The following CDH9 variants were observed in gnomAD, a reference collection of about 807,000 sequenced individuals.
The protein encoded by CDH9 is cadherin 9.
In CDH9, 28 loss-of-function variants were observed where a neutral mutation model predicts 70.9. The ratio of observed to expected loss-of-function variants is 0.40; its 90% CI spans 0.29 to 0.54. The LOEUF (loss-of-function observed/expected upper bound fraction) is 0.54, where lower values mean the gene tolerates loss of function less well. Among genes scored for constraint, CDH9 ranks in the 20% least tolerant of loss-of-function variants. The pLI, the probability that CDH9 is intolerant of heterozygous loss-of-function variation, is 0.59. For missense variants in CDH9, 874 were observed against 984.4 expected (o/e 0.89, Z 1.50); for synonymous variants, 409 against 343.1 (o/e 1.19, Z -2.12).
chr5:26,913,400 T>C (rs970395447), intron 3 of CDH9, among the ~76,000 whole-genome samples: 1 of 152,156 alleles, frequency 6.6e-6, no homozygotes, highest in African/African-American at 2.4e-5. Flanking sequence ...AATTGTCCTC[T>C]ACAAATAGGA....
intron 1 of CDH9, among the ~76,000 whole-genome samples, chr5:27,027,548 C>T (rs1351138794): frequency 6.6e-6 from 1 of 152,008 alleles, no homozygotes; most frequent in African/African-American, 2.4e-5. Flanking sequence ...ACAGGAAGCT[C>T]CTGGAGCCCC....
At chr5:27,005,832 C>T (rs1188068005) in intron 1 of CDH9, among the ~76,000 whole-genome samples, 2 of 152,130 alleles carry the variant, frequency 1.3e-5, no homozygotes, top group Non-Finnish European at 2.9e-5. Flanking sequence ...GAATACTGTG[C>T]AGCCATAAGA....
chr5:27,021,838 C>A (rs994160537), intron 1 of CDH9, among the ~76,000 whole-genome samples: 1 of 151,918 alleles, frequency 6.6e-6, no homozygotes, highest in Non-Finnish European at 1.5e-5. Context: ...TAATTTCCTT[C>A]TTCATAACAT....
At chr5:26,955,861 C>A (rs1741937710) in intron 2 of CDH9, among the ~76,000 whole-genome samples, 1 of 152,112 alleles carries the variant, frequency 6.6e-6, no homozygotes, top group African/African-American at 2.4e-5. Context: ...TGATCAGAGG[C>A]AGACAGAATG....
chr5:26,905,827 A>G, intron 5 of CDH9, 132 bp downstream of exon 5: 1 of 649,628 alleles, frequency 1.5e-6, no homozygotes, highest in Admixed American at 2.6e-5. Flanking sequence ...TTTTTGGTAG[A>G]GGAATGGATT....
chr5:26,982,941 T>TC (rs757321002), intron 2 of CDH9, among the ~76,000 whole-genome samples: 4 of 152,078 alleles, frequency 2.6e-5, no homozygotes, highest in Non-Finnish European at 5.9e-5. Flanking sequence ...CGCCTCCGCC[T>TC]CCCAGAGTGT....
chr5:26,997,725 G>A (rs1163364806), intron 1 of CDH9, among the ~76,000 whole-genome samples: 3 of 144,448 alleles, frequency 2.1e-5, no homozygotes, highest in Admixed American at 6.8e-5. Context: ...TTTTTGAGAT[G>A]GAATCCACTC....
intron 2 of CDH9, among the ~76,000 whole-genome samples, chr5:26,925,213 C>A (rs959545389): frequency 3.9e-5 from 6 of 152,034 alleles, no homozygotes; most frequent in Non-Finnish European, 7.4e-5. Context: ...TCCAGCATCT[C>A]TTGTTTCCTG....
intron 1 of CDH9, among the ~76,000 whole-genome samples, chr5:27,019,858 T>A (rs1040416507): frequency 6.6e-6 from 1 of 151,866 alleles, no homozygotes; most frequent in Non-Finnish European, 1.5e-5. Flanking sequence ...CATGCAAAAT[T>A]CTTAATATTC....
chr5:26,922,353 AC>A (rs1044638533), intron 2 of CDH9, among the ~76,000 whole-genome samples: 3 of 152,154 alleles, frequency 2.0e-5, no homozygotes, highest in Non-Finnish European at 2.9e-5. Context: ...AAATAAAAAA[AC>A]AACATACAAA....
chr5:26,981,453 G>T lies in CDH9; in HGVS notation c.228+6653C>A, dbSNP rs140022184. On this transcript the variant is annotated intron_variant, in intron 2 of 11. Coordinates refer to ENST00000231021, the MANE Select transcript of CDH9 (RefSeq NM_016279.4). The stretch of plus-strand genomic sequence containing the variant: ...AGAAGTCTGTACATTTTCACTAAAG[G>T]TGCAACAATCCTTTATTTTTCTCTG... 6.2e-3 allele frequency among the ~76,000 whole-genome samples: 936 copies of T among 152,150 alleles called. 10 individuals carry two copies. The highest frequency in any genetic ancestry group is 0.022 in the African/African-American group (900 of 41,522).
intron 3 of CDH9, among the ~76,000 whole-genome samples, chr5:26,911,679 A>G (rs1741056408): frequency 6.6e-6 from 1 of 152,204 alleles, no homozygotes; most frequent in African/African-American, 2.4e-5. Flanking sequence ...CACAAGAAAA[A>G]AAAAAGTAGA....
intron 2 of CDH9, among the ~76,000 whole-genome samples, chr5:26,967,024 C>A (rs1478834079): frequency 6.6e-6 from 1 of 152,132 alleles, no homozygotes; most frequent in Admixed American, 6.6e-5. Context: ...CCTGGATCTC[C>A]CAAGCTTAAG....
intron 1 of CDH9, among the ~76,000 whole-genome samples, chr5:27,013,281 A>G (rs964394947): frequency 6.6e-6 from 1 of 151,972 alleles, no homozygotes; most frequent in Non-Finnish European, 1.5e-5. Context: ...TGACTTCTGC[A>G]AACATTTGTA....
chr5:26,916,771 G>C (rs1000025636), intron 2 of CDH9, among the ~76,000 whole-genome samples: 1 of 151,870 alleles, frequency 6.6e-6, no homozygotes, highest in Non-Finnish European at 1.5e-5. Context: ...GAGAGAAAGA[G>C]ATTTGTAATT....
At chr5:27,002,279 G>A (rs1471494113) in intron 1 of CDH9, among the ~76,000 whole-genome samples, 3 of 152,224 alleles carry the variant, frequency 2.0e-5, no homozygotes, top group Non-Finnish European at 2.9e-5. Flanking sequence ...AACAGGTGCT[G>A]GAGAGGATAT....
At chr5:26,883,040 CTTATATATATATATATAT>C (rs1450086402) in intron 11 of CDH9, among the ~76,000 whole-genome samples, 473 of 28,368 alleles carry the variant, frequency 0.017, 2 homozygotes, top group Non-Finnish European at 0.022. Context: ...TCAGGATCAT[CTTATATATATATATATAT>C]ATATATATAT....
intron 2 of CDH9, among the ~76,000 whole-genome samples, chr5:26,928,886 C>T (rs905470712): frequency 3.3e-5 from 5 of 151,942 alleles, no homozygotes; most frequent in African/African-American, 9.7e-5. Flanking sequence ...AGTTAGGAAA[C>T]TACTAAAAGA....
At chr5:26,914,615 G>A (rs1188397481) in intron 3 of CDH9, among the ~76,000 whole-genome samples, 3 of 151,914 alleles carry the variant, frequency 2.0e-5, no homozygotes, top group Non-Finnish European at 2.9e-5. Flanking sequence ...GAATAAATAC[G>A]TTTTTAAAAA....
Sources: gnomAD v4.1 joint callset for allele counts (sites outside exome capture counted in the v4.1 genomes callset) on GRCh38, gnomAD v4.1.1 for gene constraint, MANE v1.5 for transcripts, NCBI Gene and HGNC (gene_info 2026-07-23, HGNC 2026-07-21) for gene names.